The following PDE7A variants were observed in gnomAD, a reference collection of about 807,000 sequenced individuals.
PDE7A encodes high affinity 3',5'-cyclic-AMP phosphodiesterase 7A.
In PDE7A, 39 loss-of-function variants were observed where a neutral mutation model predicts 64.3. That is an observed-to-expected ratio of 0.61 (90% CI 0.47 to 0.79). PDE7A has a LOEUF of 0.79. Ranked by LOEUF, PDE7A falls within the 30% of genes least tolerant of loss-of-function variation. PDE7A has a pLI of 0.00. For synonymous variants in PDE7A, 203 were observed against 206.8 expected, an observed-to-expected ratio of 0.98 and a Z score of 0.16; for missense variants, 470 against 582.8, an observed-to-expected ratio of 0.81 and a Z score of 1.99.
In PDE7A at chr8:65,755,024, A is replaced by T. The variant is rs971466785; in HGVS notation, c.284-7221T>A. Among the ~76,000 whole-genome samples, 1,124 of 136,816 alleles carry T rather than the reference A, an allele frequency of 8.2e-3. 4 individuals carry two copies. Among genetic ancestry groups the T allele is most frequent in the Non-Finnish European group, 0.011 (705 of 63,200 alleles). 89.8% of individuals were successfully genotyped at this position (136,816 alleles called of 152,430 possible). On this transcript the variant is annotated intron_variant, in intron 3 of 12. Coordinates refer to ENST00000401827, the MANE Select transcript of PDE7A (RefSeq NM_001242318.3). Reference sequence around the variant, plus strand: ...TGCCTGTTTATTTTTTTTTTCACTTATTTTTTTTTTTTTTGAGACAGAGTC... The same window carrying T: ...TGCCTGTTTATTTTTTTTTTCACTTTTTTTTTTTTTTTTTGAGACAGAGTC...
chr8:65,793,630 G>A (rs1004477350), intron 1 of PDE7A, among the ~76,000 whole-genome samples: 1 of 152,104 alleles, frequency 6.6e-6, no homozygotes, highest in African/African-American at 2.4e-5. Flanking sequence ...AATGAATTCA[G>A]TTCTGAATAC....
At chr8:65,758,544 T>G (rs1267361426) in intron 3 of PDE7A, among the ~76,000 whole-genome samples, 1 of 152,206 alleles carries the variant, frequency 6.6e-6, no homozygotes, top group African/African-American at 2.4e-5. Flanking sequence ...ACTCCTTTAG[T>G]CCCACTCATG....
chr8:65,818,999 G>A (rs1810478118), intron 1 of PDE7A, among the ~76,000 whole-genome samples: 1 of 152,200 alleles, frequency 6.6e-6, no homozygotes, highest in African/African-American at 2.4e-5. Flanking sequence ...AATGGCCACT[G>A]ACTCCCACTG....
At chr8:65,797,482 G>GC (rs1055978556) in intron 1 of PDE7A, among the ~76,000 whole-genome samples, 6 of 152,272 alleles carry the variant, frequency 3.9e-5, no homozygotes, top group East Asian at 3.9e-4. Context: ...ACTGCCTCCG[G>GC]GGGGCAAGGC....
intron 1 of PDE7A, among the ~76,000 whole-genome samples, chr8:65,786,820 G>T (rs987571916): frequency 6.6e-6 from 1 of 152,084 alleles, no homozygotes. Flanking sequence ...CTTGTAAAGC[G>T]AACTAGTATA....
chr8:65,794,237 A>G (rs2128926684), intron 1 of PDE7A, among the ~76,000 whole-genome samples: 2 of 151,960 alleles, frequency 1.3e-5, no homozygotes, highest in South Asian at 4.1e-4. Context: ...ACCTTCTTCA[A>G]TTTAATAATG....
At chr8:65,736,203 C>T (rs1344894486) in intron 6 of PDE7A, among the ~76,000 whole-genome samples, 1 of 152,182 alleles carries the variant, frequency 6.6e-6, no homozygotes, top group Non-Finnish European at 1.5e-5. Flanking sequence ...ATAAGGGTGA[C>T]GAACACAAGC....
chr8:65,822,681 A>G (rs1354228607), intron 1 of PDE7A, among the ~76,000 whole-genome samples: 1 of 152,224 alleles, frequency 6.6e-6, no homozygotes, highest in Non-Finnish European at 1.5e-5. Context: ...GTTGGTTAAT[A>G]AAGTCAAATA....
intron 5 of PDE7A, among the ~76,000 whole-genome samples, chr8:65,740,870 C>T (rs763290787): frequency 2.0e-4 from 30 of 152,064 alleles, no homozygotes; most frequent in Non-Finnish European, 1.0e-4. Flanking sequence ...ATCTCTGAAA[C>T]AATAAAGAAT....
chr8:65,825,614 G>C (rs1810652180), intron 1 of PDE7A, among the ~76,000 whole-genome samples: 1 of 152,160 alleles, frequency 6.6e-6, no homozygotes, highest in Non-Finnish European at 1.5e-5. Context: ...AATTCAGAAA[G>C]GGTATAAAGA....
At chr8:65,819,781 G>A (rs1201449736) in intron 1 of PDE7A, among the ~76,000 whole-genome samples, 2 of 152,150 alleles carry the variant, frequency 1.3e-5, no homozygotes, top group Non-Finnish European at 2.9e-5. Flanking sequence ...TGTTCTTCCT[G>A]AGCATACAAT....
chr8:65,753,082 TG>T (rs1010842587), intron 3 of PDE7A, among the ~76,000 whole-genome samples: 1 of 152,204 alleles, frequency 6.6e-6, no homozygotes, highest in African/African-American at 2.4e-5. Flanking sequence ...ATTTTTTGAG[TG>T]GTAGGAAATT....
At chr8:65,776,836 A>C (rs72666551) in intron 3 of PDE7A, among the ~76,000 whole-genome samples, 2,332 of 152,182 alleles carry the variant, frequency 0.015, 31 homozygotes, top group Non-Finnish European at 0.019. Context: ...TAGTCCTTAT[A>C]CTTTTCATTT....
intron 6 of PDE7A, among the ~76,000 whole-genome samples, chr8:65,737,485 T>C (rs1807190567): frequency 6.6e-6 from 1 of 152,142 alleles, no homozygotes; most frequent in Admixed American, 6.5e-5. Flanking sequence ...AGTTGCAGAT[T>C]AGCAAAAATG....
intron 1 of PDE7A, among the ~76,000 whole-genome samples, chr8:65,783,878 A>G (rs1809481455): frequency 6.6e-6 from 1 of 152,222 alleles, no homozygotes; most frequent in Non-Finnish European, 1.5e-5. Context: ...AATGAGGAAG[A>G]TAAAATTGAT....
chr8:65,800,195 C>T (rs766753537), intron 1 of PDE7A, among the ~76,000 whole-genome samples: 6 of 152,192 alleles, frequency 3.9e-5, no homozygotes, highest in South Asian at 4.1e-4. Context: ...ACCTGGAGTC[C>T]AGATAAGGAG....
intron 1 of PDE7A, among the ~76,000 whole-genome samples, chr8:65,794,368 G>C (rs1159384448): frequency 6.6e-6 from 1 of 151,588 alleles, no homozygotes. Flanking sequence ...TGGCAACTAA[G>C]TGGTTACAGT....
chr8:65,754,654 C>A (rs1808133488), intron 3 of PDE7A, among the ~76,000 whole-genome samples: 1 of 149,008 alleles, frequency 6.7e-6, no homozygotes, highest in Non-Finnish European at 1.5e-5. Context: ...CTTCTATATG[C>A]CTTGTTTTTT....
chr8:65,724,710 T>C, intron 10 of PDE7A, 67 bp downstream of exon 10: 1 of 1,361,312 alleles, frequency 7.3e-7, no homozygotes, highest in South Asian at 1.3e-5. Context: ...CACTAGAATA[T>C]TCATTTTTTA....
Sources: gnomAD v4.1 joint callset for allele counts (sites outside exome capture counted in the v4.1 genomes callset) on GRCh38, gnomAD v4.1.1 for gene constraint, MANE v1.5 for transcripts, NCBI Gene and HGNC (gene_info 2026-07-23, HGNC 2026-07-21) for gene names.